PRICKLE1: variants seen among roughly 807,000 people sequenced by gnomAD.
PRICKLE1 encodes the protein prickle-like protein 1.
A neutral mutation model predicts 70.2 loss-of-function variants in PRICKLE1; 14 were observed. That is an observed-to-expected ratio of 0.20 (90% confidence interval 0.13 to 0.31). PRICKLE1 has a LOEUF of 0.31. Among genes scored for constraint, PRICKLE1 ranks in the 10% least tolerant of loss-of-function variants. The probability of loss-of-function intolerance (pLI) is 1.00; values close to 1 mark genes in which losing one functional copy is unlikely to be tolerated. For synonymous variants in PRICKLE1, 357 were observed against 379.9 expected, an observed-to-expected ratio of 0.94 and a Z score of 0.70; for missense variants, 821 against 1,026.2, an observed-to-expected ratio of 0.80 and a Z score of 2.73.
intron 1 of PRICKLE1, among the ~76,000 whole-genome samples, chr12:42,514,576 C>T (rs2406680): frequency 0.45 from 69,128 of 152,010 alleles, 16,225 homozygotes; most frequent in East Asian, 0.72. Context: ...AATCTGAACA[C>T]TTATCCATTA....
Position 42,460,681 on chromosome 12 carries a change from A to C in PRICKLE1, c.1640-16T>G. On this transcript the variant is annotated splice_polypyrimidine_tract_variant and intron_variant, in intron 7 of 7. Transcript: ENST00000345127. ...ACCGAAGCCCCTAGAAGAGAGGCCA[A>C]AACAAGATGTGCTTCTCAATCATCC... 1 of 1,605,268 alleles carries C rather than the reference A, an allele frequency of 6.2e-7. No homozygotes were observed.
At chr12:42,510,244 G>A (rs970622175) in intron 1 of PRICKLE1, among the ~76,000 whole-genome samples, 4 of 151,878 alleles carry the variant, frequency 2.6e-5, no homozygotes, top group Admixed American at 6.5e-5. Context: ...ACAGGCGCCC[G>A]CCACCAGGCC....
At chr12:42,541,501 CTA>C (rs1296527676) in intron 1 of PRICKLE1, among the ~76,000 whole-genome samples, 1 of 151,922 alleles carries the variant, frequency 6.6e-6, no homozygotes, top group Admixed American at 6.6e-5. Flanking sequence ...CCACGCCCAG[CTA>C]ATTTTTACAT....
At chr12:42,488,774 T>C (rs1939034138) in intron 1 of PRICKLE1, among the ~76,000 whole-genome samples, 1 of 152,150 alleles carries the variant, frequency 6.6e-6, no homozygotes, top group Non-Finnish European at 1.5e-5. Context: ...CATTGCAAAA[T>C]TATTTAGATA....
intron 1 of PRICKLE1, among the ~76,000 whole-genome samples, chr12:42,504,141 G>A (rs1939364016): frequency 6.6e-6 from 1 of 152,134 alleles, no homozygotes; most frequent in Admixed American, 6.5e-5. Flanking sequence ...GGAAAATTCT[G>A]TATCATAAAA....
intron 5 of PRICKLE1, 118 bp downstream of exon 5, chr12:42,468,506 TAA>T: frequency 1.1e-6 from 1 of 912,120 alleles, no homozygotes; most frequent in Non-Finnish European, 1.8e-6. Flanking sequence ...GGATTATGTT[TAA>T]AACATGCACA....
chr12:42,558,563 C>A (rs1179728070), intron 1 of PRICKLE1, among the ~76,000 whole-genome samples: 1 of 152,200 alleles, frequency 6.6e-6, no homozygotes, highest in Non-Finnish European at 1.5e-5. Flanking sequence ...TTGCCTGGGT[C>A]CCCCAGCTGG....
Position 42,459,720 on chromosome 12 carries a change from T to A in PRICKLE1, c.*89A>T. ...CATGGGCAAAGAAAGCACTTTAAACTATTTTCACAACTTTCCTACGGAAGA... is the reference window on the plus strand; with the variant it reads ...CATGGGCAAAGAAAGCACTTTAAACAATTTTCACAACTTTCCTACGGAAGA... On this transcript the variant is annotated 3_prime_UTR_variant, in exon 8 of 8. Coordinates refer to ENST00000345127, the MANE Select transcript of PRICKLE1 (RefSeq NM_153026.3). 6.6e-7 allele frequency: 1 copy of A among 1,512,960 alleles called. No homozygotes were observed. Among genetic ancestry groups the A allele is most frequent in the Non-Finnish European group, 9.2e-7 (1 of 1,092,576 alleles). The allele number at this position is 1,512,960 out of a possible 1,614,324, so 93.7% of individuals were successfully genotyped here.
intron 1 of PRICKLE1, among the ~76,000 whole-genome samples, chr12:42,507,447 C>A (rs931578712): frequency 2.0e-5 from 3 of 152,218 alleles, no homozygotes; most frequent in Admixed American, 6.5e-5. Flanking sequence ...TTGTTATTTG[C>A]CCTAAAGTGA....
chr12:42,492,610 G>A (rs1939126362), intron 1 of PRICKLE1, among the ~76,000 whole-genome samples: 1 of 152,218 alleles, frequency 6.6e-6, no homozygotes, highest in African/African-American at 2.4e-5. Context: ...AGGTGATTTT[G>A]TAGTGAAGAC....
At chr12:42,513,840 A>C (rs1939559319) in intron 1 of PRICKLE1, among the ~76,000 whole-genome samples, 1 of 152,094 alleles carries the variant, frequency 6.6e-6, no homozygotes, top group Admixed American at 6.6e-5. Flanking sequence ...TACTAAAAAT[A>C]CAAAAAATTA....
chr12:42,578,671 C>T (rs1592043608), intron 1 of PRICKLE1, among the ~76,000 whole-genome samples: 2 of 152,254 alleles, frequency 1.3e-5, no homozygotes, highest in South Asian at 2.1e-4. Context: ...AATAAAATAT[C>T]TCTATCTCCT....
intron 1 of PRICKLE1, among the ~76,000 whole-genome samples, chr12:42,532,094 G>T (rs1939928780): frequency 6.6e-6 from 1 of 152,228 alleles, no homozygotes; most frequent in Non-Finnish European, 1.5e-5. Flanking sequence ...GAGCCTGGGA[G>T]GTTGAGGCTG....
At chr12:42,460,788 C>A in intron 7 of PRICKLE1, 123 bp from the exon 8 acceptor site, 1 of 1,183,828 alleles carries the variant, frequency 8.4e-7, no homozygotes, top group Non-Finnish European at 1.2e-6. Context: ...TTGATTAAAA[C>A]CCATAGGGAA....
At chr12:42,494,625 G>A (rs538684471) in intron 1 of PRICKLE1, among the ~76,000 whole-genome samples, 1 of 151,920 alleles carries the variant, frequency 6.6e-6, no homozygotes, top group Non-Finnish European at 1.5e-5. Flanking sequence ...TGGCTAACAC[G>A]GTGAAACCCT....
At chr12:42,571,163 C>T (rs577470828) in intron 1 of PRICKLE1, among the ~76,000 whole-genome samples, 65 of 151,974 alleles carry the variant, frequency 4.3e-4, no homozygotes, top group African/African-American at 1.5e-3. Flanking sequence ...GAAACAGAGA[C>T]TAAAATTTAC....
chr12:42,522,990 C>T (rs1363442609), intron 1 of PRICKLE1, among the ~76,000 whole-genome samples: 1 of 147,752 alleles, frequency 6.8e-6, no homozygotes, highest in Non-Finnish European at 1.5e-5. Context: ...GAGATGGAGT[C>T]CCGCTCTGTC....
At chr12:42,512,405 C>A (rs1437318819) in intron 1 of PRICKLE1, among the ~76,000 whole-genome samples, 2 of 152,072 alleles carry the variant, frequency 1.3e-5, no homozygotes, top group Non-Finnish European at 2.9e-5. Flanking sequence ...AACTGCTGAC[C>A]TTAAAAGCGA....
intron 2 of PRICKLE1, among the ~76,000 whole-genome samples, chr12:42,472,083 G>A (rs1938345647): frequency 6.6e-6 from 1 of 152,170 alleles, no homozygotes; most frequent in Admixed American, 6.5e-5. Flanking sequence ...TCTCAAGAGG[G>A]ATTCATCCGA....
Sources: gnomAD v4.1 joint callset for allele counts (sites outside exome capture counted in the v4.1 genomes callset) on GRCh38, gnomAD v4.1.1 for gene constraint, MANE v1.5 for transcripts, NCBI Gene and HGNC (gene_info 2026-07-23, HGNC 2026-07-21) for gene names.